SGPP1: variants seen among roughly 807,000 people sequenced by gnomAD.
The protein encoded by SGPP1 is sphingosine-1-phosphate phosphatase 1.
SGPP1 carries 21 observed loss-of-function variants against 33.0 expected under a neutral mutation model. That is an observed-to-expected ratio of 0.64 (90% confidence interval 0.45 to 0.92). The LOEUF (loss-of-function observed/expected upper bound fraction) is 0.92, where lower values mean the gene tolerates loss of function less well. Among genes scored for constraint, SGPP1 ranks in the 40% least tolerant of loss-of-function variants. SGPP1 has a pLI of 0.00. For missense variants in SGPP1, 543 were observed against 589.4 expected, an observed-to-expected ratio of 0.92 and a Z score of 0.81; for synonymous variants, 239 against 241.2, an observed-to-expected ratio of 0.99 and a Z score of 0.08.
intron 1 of SGPP1, among the ~76,000 whole-genome samples, chr14:63,710,463 A>G (rs1885501127): frequency 6.6e-6 from 1 of 152,240 alleles, no homozygotes; most frequent in Admixed American, 6.5e-5. Context: ...AAACATGTAA[A>G]TAACAGAAAC....
At chr14:63,691,674 C>T (rs1885096966) in intron 2 of SGPP1, among the ~76,000 whole-genome samples, 1 of 152,086 alleles carries the variant, frequency 6.6e-6, no homozygotes, top group African/African-American at 2.4e-5. Context: ...GGACAATATT[C>T]AGAGATTATG....
intron 1 of SGPP1, among the ~76,000 whole-genome samples, chr14:63,722,245 C>T (rs1420961082): frequency 2.0e-5 from 3 of 151,706 alleles, no homozygotes; most frequent in African/African-American, 7.3e-5. Context: ...ATATTAACAG[C>T]TGGGCGCAGT....
intron 2 of SGPP1, among the ~76,000 whole-genome samples, chr14:63,693,871 T>C (rs1282373005): frequency 6.6e-6 from 1 of 152,238 alleles, no homozygotes; most frequent in Non-Finnish European, 1.5e-5. Flanking sequence ...TTGTTGGGAT[T>C]ATAGGCGTGG....
Position 63,686,576 on chromosome 14 carries a change from G to A in SGPP1, c.855C>T (p.Asn285=), listed in dbSNP as rs751978596. The A allele has an allele frequency of 7.4e-6, 12 of 1,613,794 alleles. No individual in the cohort carries two copies. The highest frequency in any genetic ancestry group is 1.0e-5 in the Non-Finnish European group (12 of 1,179,908). Residue 285 remains asparagine, a synonymous_variant, in exon 3 of 3, where the codon AAC becomes AAT. Coordinates refer to ENST00000247225, the MANE Select transcript of SGPP1 (RefSeq NM_030791.4). ...TGAATGGAGCATATTTGTGAGTTTG[G>A]TTGAAGTTGTCAATCAGGTCCACAA... The part of the protein sequence containing the change: ...YPFVDLIDNF[N]QTHKYAPFII...
intron 1 of SGPP1, among the ~76,000 whole-genome samples, chr14:63,717,810 C>T (rs1457209474): frequency 6.6e-6 from 1 of 152,044 alleles, no homozygotes; most frequent in African/African-American, 2.4e-5. Context: ...AATTGCTCAA[C>T]ACTAGAGAAA....
At chr14:63,693,176 A>G (rs935016144) in intron 2 of SGPP1, among the ~76,000 whole-genome samples, 1 of 152,006 alleles carries the variant, frequency 6.6e-6, no homozygotes, top group African/African-American at 2.4e-5. Flanking sequence ...CAAGTGATCC[A>G]CCCGCCTCGG....
intron 1 of SGPP1, among the ~76,000 whole-genome samples, chr14:63,708,399 G>A (rs990022296): frequency 2.6e-5 from 4 of 150,950 alleles, no homozygotes; most frequent in Non-Finnish European, 5.9e-5. Context: ...GGGATTACAG[G>A]TGCCCACCAC....
At chr14:63,717,669 GA>G (rs1261317543) in intron 1 of SGPP1, among the ~76,000 whole-genome samples, 2 of 151,898 alleles carry the variant, frequency 1.3e-5, no homozygotes, top group Admixed American at 6.6e-5. Flanking sequence ...GAAGGGAGAG[GA>G]AAAAAATTCT....
intron 2 of SGPP1, among the ~76,000 whole-genome samples, chr14:63,687,415 G>A (rs146887407): frequency 0.015 from 2,288 of 152,258 alleles, 36 homozygotes; most frequent in Middle Eastern, 0.071. Context: ...ACTCCAGCCC[G>A]AGTAACAGAG....
chr14:63,694,947 T>C (rs568190616), intron 2 of SGPP1, among the ~76,000 whole-genome samples: 1 of 152,298 alleles, frequency 6.6e-6, no homozygotes, highest in East Asian at 1.9e-4. Flanking sequence ...GTATTAAATT[T>C]GAAAATTTTT....
intron 1 of SGPP1, among the ~76,000 whole-genome samples, chr14:63,711,130 C>A (rs566192921): frequency 2.6e-5 from 4 of 151,830 alleles, no homozygotes; most frequent in African/African-American, 7.3e-5. Context: ...TCTCCTGCCT[C>A]AGCCTCCCAA....
rs1049899131 is a variant in SGPP1 at position 63,720,775 on chromosome 14, A to C, written c.684+6486T>G. ...AGCAAAACTCCGTCTCAAAACAAAC[A>C]AACAACTATATAAATGTATGTCTGC... On this transcript the variant is annotated intron_variant, in intron 1 of 2. Transcript: ENST00000247225. Among the ~76,000 whole-genome samples the C allele has an allele frequency of 1.2e-4, 19 of 152,066 alleles. No homozygotes were observed. In the East Asian group the frequency reaches 1.9e-3, roughly 15 times the overall value.
At chr14:63,696,814 T>G (rs1406062365) in intron 2 of SGPP1, among the ~76,000 whole-genome samples, 1 of 152,056 alleles carries the variant, frequency 6.6e-6, no homozygotes, top group Admixed American at 6.6e-5. Context: ...GGTGAAACCC[T>G]GTCTCTACTA....
chr14:63,698,147 A>G (rs1362666536), intron 2 of SGPP1, among the ~76,000 whole-genome samples: 2 of 152,242 alleles, frequency 1.3e-5, no homozygotes. Flanking sequence ...AGAGTTTAAT[A>G]TGTAAACACA....
intron 1 of SGPP1, among the ~76,000 whole-genome samples, chr14:63,699,399 G>T (rs1275516850): frequency 1.3e-5 from 2 of 152,062 alleles, no homozygotes; most frequent in African/African-American, 4.8e-5. Context: ...AAGAAGGGAG[G>T]GCACATTTGG....
chr14:63,701,024 A>C (rs1412311595), intron 1 of SGPP1, among the ~76,000 whole-genome samples: 3 of 151,882 alleles, frequency 2.0e-5, no homozygotes, highest in Non-Finnish European at 4.4e-5. Flanking sequence ...TCTGTTGCCC[A>C]GGCTGGAGTG....
At chr14:63,711,117 G>A (rs372709818) in intron 1 of SGPP1, among the ~76,000 whole-genome samples, 2 of 151,380 alleles carry the variant, frequency 1.3e-5, no homozygotes, top group Middle Eastern at 3.4e-3. Context: ...GGGTTCAAGC[G>A]ATTCTCCTGC....
At chr14:63,701,878 A>T (rs1157220273) in intron 1 of SGPP1, among the ~76,000 whole-genome samples, 1 of 151,694 alleles carries the variant, frequency 6.6e-6, no homozygotes, top group Non-Finnish European at 1.5e-5. Context: ...TAAAGTCTTT[A>T]AAAACCTTTA....
chr14:63,710,948 C>T (rs1392168112), intron 1 of SGPP1, among the ~76,000 whole-genome samples: 1 of 152,032 alleles, frequency 6.6e-6, no homozygotes, highest in African/African-American at 2.4e-5. Flanking sequence ...ATAATCATAA[C>T]CCTACAGTAT....
Sources: allele counts gnomAD v4.1 joint callset (sites outside exome capture counted in the v4.1 genomes callset), GRCh38; gene constraint gnomAD v4.1.1; transcripts MANE v1.5; gene names NCBI Gene and HGNC (gene_info 2026-07-23, HGNC 2026-07-21).